Variants in CFDP1 observed in about 807,000 individuals in gnomAD.
CFDP1 encodes chromatin remodeling protein CFDP1.
A neutral mutation model predicts 40.1 loss-of-function variants in CFDP1; 31 were observed. The ratio of observed to expected loss-of-function variants is 0.77; its 90% CI spans 0.58 to 1.04. The LOEUF is 1.04. Ranked by LOEUF, CFDP1 falls within the 50% of genes least tolerant of loss-of-function variation. The pLI is 0.00. For missense variants in CFDP1, 423 were observed against 343.4 expected (o/e 1.23, Z -1.83); for synonymous variants, 167 against 120.0 (o/e 1.39, Z -2.56).
At chr16:75,375,580 T>A (rs995288278) in intron 5 of CFDP1, among the ~76,000 whole-genome samples, 8 of 151,690 alleles carry the variant, frequency 5.3e-5, no homozygotes, top group Admixed American at 4.6e-4. Flanking sequence ...TCACCTCAGG[T>A]CAGGAGTTCA....
Position 75,395,087 on chromosome 16 carries a change from C to A in CFDP1, c.650+3G>T, listed in dbSNP as rs765344675. 32 of 1,613,482 alleles carry A rather than the reference C, an allele frequency of 2.0e-5. No homozygotes were observed. Among genetic ancestry groups the A allele is most frequent in the Non-Finnish European group, 2.4e-5 (28 of 1,179,722 alleles). On this transcript the variant is annotated splice_donor_region_variant and intron_variant, in intron 5 of 6. Coordinates refer to ENST00000283882, the MANE Select transcript of CFDP1 (RefSeq NM_006324.3). The stretch of plus-strand genomic sequence containing the variant: ...CATCAGGGAGTGAGACTCAAATACT[C>A]ACCCTGACCCGGCAGGGAGTGATGG...
At chr16:75,326,359 A>T (rs1009752517) in intron 5 of CFDP1, among the ~76,000 whole-genome samples, 3 of 152,216 alleles carry the variant, frequency 2.0e-5, no homozygotes, top group Non-Finnish European at 2.9e-5. Context: ...GAATGGACAT[A>T]ATTGGAGCAA....
At chr16:75,407,669 A>AG (rs1228684963) in intron 4 of CFDP1, among the ~76,000 whole-genome samples, 53 of 146,592 alleles carry the variant, frequency 3.6e-4, no homozygotes, top group Non-Finnish European at 7.7e-4. Context: ...AAAAAAAAAA[A>AG]AAAGAAAAAA....
chr16:75,366,852 G>T (rs1286514744), intron 5 of CFDP1, among the ~76,000 whole-genome samples: 1 of 151,720 alleles, frequency 6.6e-6, no homozygotes, highest in Non-Finnish European at 1.5e-5. Context: ...TGTACACAAT[G>T]AAAGTTACCA....
At position 75,377,712 on chromosome 16, in the gene CFDP1, C is replaced by G. The variant is rs557765310; in HGVS notation, c.650+17378G>C. 1.4e-4 allele frequency among the ~76,000 whole-genome samples: 21 copies of G among 152,254 alleles called. No individual in the cohort carries two copies. The South Asian group carries it at 4.1e-3, about 30-fold the overall frequency. The stretch of plus-strand genomic sequence containing the variant: ...GGTCAGGGAAACCACTCAGAAAGGC[C>G]AACAGTTTGCTTCTCCACTTCTCGA... On this transcript the variant is annotated intron_variant, in intron 5 of 6. Transcript: ENST00000283882.
At chr16:75,404,201 G>A (rs1027857185) in intron 4 of CFDP1, among the ~76,000 whole-genome samples, 6 of 151,128 alleles carry the variant, frequency 4.0e-5, no homozygotes, top group Non-Finnish European at 8.8e-5. Flanking sequence ...GGAAAAGGTT[G>A]CCTTACAATG....
intron 4 of CFDP1, among the ~76,000 whole-genome samples, chr16:75,395,576 T>C (rs1334380848): frequency 6.6e-6 from 1 of 152,054 alleles, no homozygotes; most frequent in Non-Finnish European, 1.5e-5. Flanking sequence ...GCAGAATCAC[T>C]TGAACCCGGG....
At chr16:75,364,488 C>T (rs141568094) in intron 5 of CFDP1, among the ~76,000 whole-genome samples, 1 of 152,128 alleles carries the variant, frequency 6.6e-6, no homozygotes, top group African/African-American at 2.4e-5. Flanking sequence ...ACATTATTTG[C>T]CTTCTTCTCT....
chr16:75,336,203 G>A (rs1049366127), intron 5 of CFDP1, among the ~76,000 whole-genome samples: 2 of 152,210 alleles, frequency 1.3e-5, no homozygotes, highest in Non-Finnish European at 2.9e-5. Context: ...CTAGGAGGTG[G>A]AAATAGAGCA....
At chr16:75,400,470 T>A (rs1404680621) in intron 4 of CFDP1, among the ~76,000 whole-genome samples, 1 of 152,012 alleles carries the variant, frequency 6.6e-6, no homozygotes, top group East Asian at 1.9e-4. Context: ...CCTTTCGAGG[T>A]AGAGGAAAGG....
chr16:75,322,265 A>G (rs1375938986), intron 5 of CFDP1, among the ~76,000 whole-genome samples: 2 of 152,210 alleles, frequency 1.3e-5, no homozygotes, highest in African/African-American at 4.8e-5. Flanking sequence ...CACCAACACT[A>G]TTTCGGATCT....
intron 2 of CFDP1, among the ~76,000 whole-genome samples, 183 bp from the exon 3 acceptor site, chr16:75,412,937 GA>G (rs369207447): frequency 0.018 from 2,413 of 134,368 alleles, 56 homozygotes; most frequent in African/African-American, 0.058. Context: ...AAAAAGAATT[GA>G]AAAAAAAAAA....
intron 5 of CFDP1, among the ~76,000 whole-genome samples, chr16:75,377,289 T>C (rs570520758): frequency 1.3e-5 from 2 of 152,368 alleles, no homozygotes; most frequent in Non-Finnish European, 2.9e-5. Flanking sequence ...GTTTGATACA[T>C]GATGAATAGA....
At chr16:75,378,895 ATG>A (rs2078827162) in intron 5 of CFDP1, among the ~76,000 whole-genome samples, 1 of 152,200 alleles carries the variant, frequency 6.6e-6, no homozygotes, top group South Asian at 2.1e-4. Flanking sequence ...ATCACAAAGA[ATG>A]TGTTCACCAG....
At chr16:75,407,664 A>AG (rs1555565089) in intron 4 of CFDP1, among the ~76,000 whole-genome samples, 1 of 146,544 alleles carries the variant, frequency 6.8e-6, no homozygotes, top group Non-Finnish European at 1.5e-5. Flanking sequence ...CAAAAAAAAA[A>AG]AAAAAAAAGA....
At chr16:75,345,494 T>C (rs2078556661) in intron 5 of CFDP1, among the ~76,000 whole-genome samples, 1 of 151,948 alleles carries the variant, frequency 6.6e-6, no homozygotes, top group Admixed American at 6.6e-5. Context: ...AAACATTATC[T>C]GGGCATGGTG....
intron 5 of CFDP1, among the ~76,000 whole-genome samples, chr16:75,312,697 G>C (rs2078301403): frequency 6.6e-6 from 1 of 152,166 alleles, no homozygotes; most frequent in East Asian, 1.9e-4. Flanking sequence ...GTGTTGTTGA[G>C]CAGAGGTGTG....
At chr16:75,414,775 T>C in intron 1 of CFDP1, 80 bp from the exon 2 acceptor site, 1 of 860,646 alleles carries the variant, frequency 1.2e-6, no homozygotes, top group Non-Finnish European at 1.9e-6. Context: ...ATACAAGCTT[T>C]CACACCGAGA....
At chr16:75,432,220 A>G (rs1466214503) in intron 1 of CFDP1, among the ~76,000 whole-genome samples, 1 of 149,874 alleles carries the variant, frequency 6.7e-6, no homozygotes, top group Non-Finnish European at 1.5e-5. Context: ...TGGAATGGCT[A>G]GTTTTCAACG....
Sources: gnomAD v4.1 joint callset for allele counts (sites outside exome capture counted in the v4.1 genomes callset) on GRCh38, gnomAD v4.1.1 for gene constraint, MANE v1.5 for transcripts, NCBI Gene and HGNC (gene_info 2026-07-23, HGNC 2026-07-21) for gene names.